PLXDC1: variants seen among roughly 807,000 people sequenced by gnomAD.
PLXDC1 encodes the protein plexin domain-containing protein 1.
In PLXDC1, 39 loss-of-function variants were observed where a neutral mutation model predicts 61.3. The ratio of observed to expected loss-of-function variants is 0.64; its 90% CI spans 0.49 to 0.83. The LOEUF (loss-of-function observed/expected upper bound fraction) is 0.83, where lower values mean the gene tolerates loss of function less well. Among genes scored for constraint, PLXDC1 ranks in the 40% least tolerant of loss-of-function variants. PLXDC1 has a pLI of 0.00. For missense variants in PLXDC1, 596 were observed against 666.5 expected, an observed-to-expected ratio of 0.89 and a Z score of 1.17; for synonymous variants, 212 against 254.5, an observed-to-expected ratio of 0.83 and a Z score of 1.59.
chr17:39,135,395 G>A (rs1392024096), intron 2 of PLXDC1, among the ~76,000 whole-genome samples: 3 of 152,210 alleles, frequency 2.0e-5, no homozygotes, highest in Non-Finnish European at 4.4e-5. Flanking sequence ...GGAAGTTCCT[G>A]GCCAGGCATG....
chr17:39,128,408 C>T (rs955463814), intron 2 of PLXDC1, among the ~76,000 whole-genome samples: 20 of 150,918 alleles, frequency 1.3e-4, no homozygotes, highest in South Asian at 2.1e-4. Flanking sequence ...TTAGTAGAGA[C>T]GGGGTTTCAT....
chr17:39,133,629 A>AT (rs1202465078), intron 2 of PLXDC1, among the ~76,000 whole-genome samples: 2 of 151,890 alleles, frequency 1.3e-5, no homozygotes, highest in African/African-American at 4.8e-5. Context: ...ATTCTTTTCT[A>AT]TTTTTTTGAG....
At chr17:39,139,924 A>G in intron 1 of PLXDC1, 92 bp from the exon 2 acceptor site, 1 of 1,223,140 alleles carries the variant, frequency 8.2e-7, no homozygotes, top group South Asian at 1.5e-5. Context: ...GGGCCCCAAC[A>G]CCATGCCACT....
chr17:39,136,384 AT>A (rs777341585), intron 2 of PLXDC1, among the ~76,000 whole-genome samples: 1 of 152,248 alleles, frequency 6.6e-6, no homozygotes, highest in Non-Finnish European at 1.5e-5. Context: ...ATACAAAAAA[AT>A]AATATTTTGA....
chr17:39,114,621 T>C (rs1476342544), intron 2 of PLXDC1, among the ~76,000 whole-genome samples: 1 of 152,204 alleles, frequency 6.6e-6, no homozygotes, highest in Non-Finnish European at 1.5e-5. Flanking sequence ...GGAGGATTTG[T>C]TGAGCAAAGA....
intron 2 of PLXDC1, among the ~76,000 whole-genome samples, chr17:39,129,152 T>A (rs1911450263): frequency 6.8e-6 from 1 of 148,126 alleles, no homozygotes; most frequent in Non-Finnish European, 1.5e-5. Flanking sequence ...ATCCCATCCC[T>A]ACTAAAAATA....
At chr17:39,100,782 C>G (rs1910393265) in intron 7 of PLXDC1, among the ~76,000 whole-genome samples, 1 of 152,210 alleles carries the variant, frequency 6.6e-6, no homozygotes, top group Non-Finnish European at 1.5e-5. Flanking sequence ...CCAGTCAGAG[C>G]AGATGCTGCC....
chr17:39,124,021 C>T (rs950073575), intron 2 of PLXDC1, among the ~76,000 whole-genome samples: 10 of 152,054 alleles, frequency 6.6e-5, no homozygotes, highest in Admixed American at 1.3e-4. Context: ...GCCCTTCGAT[C>T]GCAGGGCACA....
intron 2 of PLXDC1, among the ~76,000 whole-genome samples, chr17:39,135,822 C>T (rs983979956): frequency 1.4e-4 from 22 of 152,162 alleles, no homozygotes; most frequent in African/African-American, 5.3e-4. Flanking sequence ...CCCAGTGTTT[C>T]TGAACCAGTC....
At chr17:39,129,716 G>GA (rs1346927898) in intron 2 of PLXDC1, among the ~76,000 whole-genome samples, 1 of 130,776 alleles carries the variant, frequency 7.6e-6, no homozygotes, top group Admixed American at 7.8e-5. Context: ...AAGAAGGAAA[G>GA]AAAGAAAGAA....
chr17:39,109,403 C>T lies in PLXDC1; in HGVS notation c.256-12G>A. ...CTGTGGTTGTCCTCCTGCCGGCACC[C>T]AAGATAAAGCCCACAGGAGGTGTGA... On this transcript the variant is annotated splice_polypyrimidine_tract_variant and intron_variant, in intron 2 of 13. Coordinates refer to ENST00000315392, the MANE Select transcript of PLXDC1 (RefSeq NM_020405.5). 2 of 1,573,172 alleles carry T rather than the reference C, an allele frequency of 1.3e-6. No homozygotes were observed. Among genetic ancestry groups the T allele is most frequent in the Non-Finnish European group, 1.7e-6 (2 of 1,159,116 alleles).
intron 9 of PLXDC1, chr17:39,080,584 C>T (rs1909519151): frequency 6.6e-6 from 1 of 152,212 alleles, no homozygotes; most frequent in Admixed American, 6.5e-5. Context: ...GCAGAGAGAC[C>T]ATGTCAGCTG....
chr17:39,097,644 G>A (rs7217894), intron 7 of PLXDC1, among the ~76,000 whole-genome samples: 49,913 of 151,510 alleles, frequency 0.33, 8,728 homozygotes, highest in Admixed American at 0.44. Flanking sequence ...TGCTTTGGGA[G>A]GCCAAAGCCA....
chr17:39,142,827 C>A (rs1237694964), intron 1 of PLXDC1, among the ~76,000 whole-genome samples: 1 of 152,190 alleles, frequency 6.6e-6, no homozygotes, highest in East Asian at 1.9e-4. Flanking sequence ...AGCCACTGCA[C>A]CAGGTCTGTT....
chr17:39,121,249 A>G (rs1436578963), intron 2 of PLXDC1, among the ~76,000 whole-genome samples: 1 of 152,064 alleles, frequency 6.6e-6, no homozygotes, highest in East Asian at 1.9e-4. Context: ...AAGATAGCTC[A>G]CCTTTTTTGG....
chr17:39,128,044 G>GCTCT lies in PLXDC1; in HGVS notation c.255+11606_255+11609dup, dbSNP rs36178620. The stretch of plus-strand genomic sequence containing the variant: ...GTACCACTTCATACCCACTAGGACA[G>GCTCT]CTCTCTCTCTCTCTCTCTCTCTGTC... On this transcript the variant is annotated intron_variant, in intron 2 of 13. Coordinates refer to ENST00000315392, the MANE Select transcript of PLXDC1 (RefSeq NM_020405.5). Among the ~76,000 whole-genome samples, 5 of 95,578 alleles carry GCTCT rather than the reference G, an allele frequency of 5.2e-5. 1 individual carries two copies. Among genetic ancestry groups the GCTCT allele is most frequent in the Admixed American group, 1.1e-4 (1 of 9,046 alleles). The allele number at this position is 95,578 out of a possible 152,430, so 62.7% of individuals were successfully genotyped here. A position where few individuals can be genotyped will look rare whatever the true frequency, so the allele number is the denominator to read the frequency against.
intron 2 of PLXDC1, among the ~76,000 whole-genome samples, chr17:39,124,325 G>T (rs990670836): frequency 4.6e-5 from 7 of 152,260 alleles, no homozygotes; most frequent in Non-Finnish European, 1.0e-4. Flanking sequence ...GGGCACTGTG[G>T]CTCACGCCTG....
intron 2 of PLXDC1, among the ~76,000 whole-genome samples, chr17:39,111,059 C>A (rs1385165412): frequency 1.3e-5 from 2 of 152,288 alleles, no homozygotes; most frequent in East Asian, 3.9e-4. Flanking sequence ...GGCTGGCATG[C>A]AAGATCCCAC....
At position 39,109,513 on chromosome 17, in the gene PLXDC1, G is replaced by T. The variant is rs1260617589; in HGVS notation, c.256-122C>A. On this transcript the variant is annotated intron_variant, in intron 2 of 13. Coordinates refer to ENST00000315392, the MANE Select transcript of PLXDC1 (RefSeq NM_020405.5). ...AAGTCACCACCCTCCCAGGGTGCTG[G>T]ACCTGTGGCCCCAAGGGCTGATTTA... 5 of 1,222,886 alleles carry T rather than the reference G, an allele frequency of 4.1e-6. No homozygotes were observed. In the African/African-American group the frequency reaches 7.7e-5, roughly 19 times the overall value. 75.8% of individuals were successfully genotyped at this position (1,222,886 alleles called of 1,614,324 possible).
Sources: gnomAD v4.1 joint callset for allele counts (sites outside exome capture counted in the v4.1 genomes callset) on GRCh38, gnomAD v4.1.1 for gene constraint, MANE v1.5 for transcripts, NCBI Gene and HGNC (gene_info 2026-07-23, HGNC 2026-07-21) for gene names.